TBC1D30: variants seen among roughly 807,000 people sequenced by gnomAD.
TBC1D30 encodes the protein TBC1 domain family member 30, also known as TBC1 domain family, member 30.
Under a neutral mutation model 63.2 loss-of-function variants are expected in TBC1D30, and 31 were observed. The ratio of observed to expected loss-of-function variants is 0.49; its 90% CI spans 0.37 to 0.66. TBC1D30 has a LOEUF of 0.66. TBC1D30 is among the 30% of genes least tolerant of loss of function. The pLI is 0.00. For synonymous variants in TBC1D30, 307 were observed against 361.5 expected (o/e 0.85, Z 1.71); for missense variants, 810 against 953.6 (o/e 0.85, Z 1.98).
At chr12:64,768,601 G>A (rs1287638351) in intron 1 of TBC1D30, 1 of 152,206 alleles carries the variant, frequency 6.6e-6, no homozygotes, top group East Asian at 1.9e-4. Flanking sequence ...CCTCCACAAA[G>A]TGTTGGGATT....
rs56138627 is a variant in TBC1D30, at chr12:64,793,489, CAA to C, written c.643+7461_643+7462del. ...TGAAACCCCGTCTCTACCAAAAATA[CAA>C]AAAAAAAAAAAAAAAAGAATTAGCT... is the stretch of plus-strand genomic sequence containing the variant. On this transcript the variant is annotated intron_variant, in intron 2 of 12. Transcript: ENST00000542120. Among the ~76,000 whole-genome samples the C allele has an allele frequency of 2.2e-3, 258 of 115,448 alleles. 1 individual carries two copies. The highest frequency in any genetic ancestry group is 4.8e-3 in the Middle Eastern group (1 of 208). 75.7% of individuals were successfully genotyped at this position (115,448 alleles called of 152,430 possible). A position where few individuals can be genotyped will look rare whatever the true frequency, so the allele number is the denominator to read the frequency against.
intron 1 of TBC1D30, among the ~76,000 whole-genome samples, chr12:64,773,266 G>A (rs924073028): frequency 3.3e-5 from 5 of 152,074 alleles, no homozygotes; most frequent in Non-Finnish European, 7.4e-5. Context: ...CTCCTCACTG[G>A]GCAGGACCTC....
intron 1 of TBC1D30, 135 bp downstream of exon 1, chr12:64,825,168 G>A (rs1874203918): frequency 3.9e-6 from 5 of 1,294,812 alleles, no homozygotes; most frequent in Middle Eastern, 2.8e-4. Context: ...GGGGCACCGC[G>A]TTGGCACCTG....
rs1216917736 is a variant in TBC1D30, at chr12:64,876,317, G to C, written c.*529G>C. ...TCGTGTGAGATTTCCCACAGTACCA[G>C]TTTCAAATTTTTTTTTTATTCTTAT... On this transcript the variant is annotated 3_prime_UTR_variant, in exon 12 of 12. Transcript: ENST00000539867. 1 of 156,398 alleles carries C rather than the reference G, an allele frequency of 6.4e-6. No individual in the cohort carries two copies. Among genetic ancestry groups the C allele is most frequent in the East Asian group, 1.9e-4 (1 of 5,306 alleles). The allele number at this position is 156,398 out of a possible 1,614,324, so 9.7% of individuals were successfully genotyped here. A position where few individuals can be genotyped will look rare whatever the true frequency, so the allele number is the denominator to read the frequency against.
chr12:64,863,929 A>G (rs905238761), intron 8 of TBC1D30, among the ~76,000 whole-genome samples: 2 of 152,258 alleles, frequency 1.3e-5, no homozygotes, highest in African/African-American at 4.8e-5. Flanking sequence ...AGGATTGAAG[A>G]AACATGTTTG....
At chr12:64,773,146 G>A (rs1870964521) in intron 1 of TBC1D30, among the ~76,000 whole-genome samples, 1 of 152,220 alleles carries the variant, frequency 6.6e-6, no homozygotes, top group African/African-American at 2.4e-5. Context: ...TACCCTGTGG[G>A]CTTTGGAGAG....
chr12:64,812,234 T>G (rs1873258630), intron 2 of TBC1D30, among the ~76,000 whole-genome samples: 1 of 152,296 alleles, frequency 6.6e-6, no homozygotes, highest in African/African-American at 2.4e-5. Context: ...TATTGATATA[T>G]GCATACACTC....
At chr12:64,830,643 T>C in intron 4 of TBC1D30, 141 bp downstream of exon 4, 1 of 766,590 alleles carries the variant, frequency 1.3e-6, no homozygotes, top group Non-Finnish European at 1.9e-6. Flanking sequence ...TTTCATTAGC[T>C]TTTTCATGGG....
intron 1 of TBC1D30, among the ~76,000 whole-genome samples, chr12:64,761,146 G>A (rs1870495593): frequency 6.6e-6 from 1 of 152,214 alleles, no homozygotes; most frequent in Non-Finnish European, 1.5e-5. Context: ...AAGCTGGTTA[G>A]AATAACTAAT....
chr12:64,836,738 G>A, intron 6 of TBC1D30, 80 bp downstream of exon 6: 1 of 1,280,806 alleles, frequency 7.8e-7, no homozygotes, highest in African/African-American at 1.5e-5. Flanking sequence ...AACATTGAAT[G>A]GAAATATGTA....
At chr12:64,781,248 C>A in exon 1 of TBC1D30, 10 of 1,158,308 alleles carry the variant, frequency 8.6e-6, no homozygotes, top group Non-Finnish European at 1.1e-5. Flanking sequence ...CAGGAGCGAC[C>A]GAGCCAGCGG....
chr12:64,852,842 C>T (rs2136429381), intron 8 of TBC1D30, among the ~76,000 whole-genome samples: 1 of 152,304 alleles, frequency 6.6e-6, no homozygotes, highest in South Asian at 2.1e-4. Flanking sequence ...AAGATTGCTG[C>T]CTGTTCCTTC....
chr12:64,762,831 TTTA>T (rs1448055746), intron 1 of TBC1D30, among the ~76,000 whole-genome samples: 1 of 152,200 alleles, frequency 6.6e-6, no homozygotes, highest in Non-Finnish European at 1.5e-5. Flanking sequence ...GTATTTGCCT[TTTA>T]TTGGTGATAA....
chr12:64,856,368 A>T (rs952091945), intron 8 of TBC1D30, among the ~76,000 whole-genome samples: 59 of 152,170 alleles, frequency 3.9e-4, no homozygotes, highest in African/African-American at 1.4e-3. Flanking sequence ...AAATATCCAA[A>T]TTATCACCAG....
intron 2 of TBC1D30, among the ~76,000 whole-genome samples, chr12:64,794,176 A>T (rs957376013): frequency 9.2e-5 from 14 of 151,716 alleles, no homozygotes; most frequent in Admixed American, 9.2e-4. Flanking sequence ...TTTTCCCTTT[A>T]AGAGCTTGTG....
In TBC1D30 at chr12:64,846,953, A is replaced by G. The variant is rs1876435328; in HGVS notation, c.1038+3468A>G. 3.3e-5 allele frequency among the ~76,000 whole-genome samples: 5 copies of G among 150,664 alleles called. No homozygotes were observed. The South Asian group carries it at 1.1e-3, about 32-fold the overall frequency. Reference sequence around the variant, plus strand: ...TAGGTAGTTAATTTTATTTGTTGCTATTATAAATGGGATTTTAAAATTTCT... The same window carrying G: ...TAGGTAGTTAATTTTATTTGTTGCTGTTATAAATGGGATTTTAAAATTTCT... On this transcript the variant is annotated intron_variant, in intron 8 of 11. Transcript: ENST00000539867.
At chr12:64,783,411 A>T (rs1401026056) in intron 1 of TBC1D30, among the ~76,000 whole-genome samples, 1 of 152,214 alleles carries the variant, frequency 6.6e-6, no homozygotes, top group African/African-American at 2.4e-5. Context: ...TGAGAATTAC[A>T]TAAGTTAGAG....
chr12:64,808,219 G>C (rs1158094183), intron 2 of TBC1D30, among the ~76,000 whole-genome samples: 1 of 152,014 alleles, frequency 6.6e-6, no homozygotes, highest in Non-Finnish European at 1.5e-5. Context: ...TCCTCCGCCT[G>C]GTACTCTTTT....
rs767051044 is a variant in TBC1D30 at position 64,870,841 on chromosome 12, C to T, written c.1498+33C>T. 15 of 1,529,720 alleles carry T rather than the reference C, an allele frequency of 9.8e-6. No homozygotes were observed. In the South Asian group the frequency reaches 1.5e-4, roughly 16 times the overall value. The allele number at this position is 1,529,720 out of a possible 1,614,324, so 94.8% of individuals were successfully genotyped here. A position where few individuals can be genotyped will look rare whatever the true frequency, so the allele number is the denominator to read the frequency against. On this transcript the variant is annotated intron_variant, in intron 11 of 11. Transcript: ENST00000539867. ...GATTCTTCATTTGAATCAATTTCAG[C>T]TCTATCTCAACTTGTAAAATGAAGA... is the stretch of plus-strand genomic sequence containing the variant.
Sources: allele counts gnomAD v4.1 joint callset (sites outside exome capture counted in the v4.1 genomes callset), GRCh38; gene constraint gnomAD v4.1.1; transcripts MANE v1.5; gene names NCBI Gene and HGNC (gene_info 2026-07-23, HGNC 2026-07-21).